AFF2: variants seen among roughly 807,000 people sequenced by gnomAD.
AFF2 encodes the protein AF4/FMR2 family member 2.
AFF2 carries 14 observed loss-of-function variants against 76.9 expected under a neutral mutation model. That is an observed-to-expected ratio of 0.18 (90% confidence interval 0.12 to 0.28). AFF2 has a LOEUF of 0.28. Among genes scored for constraint, AFF2 ranks in the 10% least tolerant of loss-of-function variants. The pLI, the probability that AFF2 is intolerant of heterozygous loss-of-function variation, is 1.00. For missense variants in AFF2, 868 were observed against 1,001.1 expected, an observed-to-expected ratio of 0.87 and a Z score of 1.79; for synonymous variants, 398 against 366.7, an observed-to-expected ratio of 1.09 and a Z score of -0.98.
chrX:148,869,760 A>G (rs1277355591), intron 7 of AFF2, among the ~76,000 whole-genome samples: 1 of 111,935 alleles, frequency 8.9e-6, no homozygotes, highest in African/African-American at 3.2e-5. Flanking sequence ...GTCCAATAAC[A>G]AGGAGTTGGT....
At chrX:148,774,825 C>A (rs1377192168) in intron 3 of AFF2, among the ~76,000 whole-genome samples, 2 of 111,954 alleles carry the variant, frequency 1.8e-5, no homozygotes, top group African/African-American at 6.5e-5. Context: ...TGTGCTTATT[C>A]TTTGGTCAAA....
At chrX:148,859,230 G>A (rs1259526674) in intron 7 of AFF2, among the ~76,000 whole-genome samples, 2 of 107,037 alleles carry the variant, frequency 1.9e-5, no homozygotes, top group African/African-American at 3.4e-5. Context: ...ATATATTAAA[G>A]TAGGAAGAGA....
chrX:148,924,760 A>C (rs1435317372), intron 9 of AFF2, among the ~76,000 whole-genome samples: 2 of 111,959 alleles, frequency 1.8e-5, no homozygotes, highest in African/African-American at 6.5e-5. Flanking sequence ...TGTTAGAATT[A>C]GGCCAAAATT....
At chrX:148,688,194 C>T (rs2054617415) in intron 3 of AFF2, among the ~76,000 whole-genome samples, 2 of 111,574 alleles carry the variant, frequency 1.8e-5, no homozygotes, top group African/African-American at 6.5e-5. Flanking sequence ...TGGCCCCACA[C>T]TGCTGAACCC....
At chrX:148,621,065 T>C (rs900927359) in intron 1 of AFF2, among the ~76,000 whole-genome samples, 8 of 111,442 alleles carry the variant, frequency 7.2e-5, no homozygotes, top group Non-Finnish European at 1.3e-4. Context: ...AAGAGACGAT[T>C]CCAGGGAGCT....
chrX:148,864,862 G>A (rs1557276720), intron 7 of AFF2, among the ~76,000 whole-genome samples: 1 of 111,976 alleles, frequency 8.9e-6, no homozygotes, highest in African/African-American at 3.2e-5. Flanking sequence ...TGAGTGAAAC[G>A]CTGGGAAAAG....
intron 3 of AFF2, among the ~76,000 whole-genome samples, chrX:148,731,469 G>A (rs927100284): frequency 9.0e-6 from 1 of 111,670 alleles, no homozygotes; most frequent in African/African-American, 3.3e-5. Flanking sequence ...CAGAAGAAAG[G>A]AAGCATTTCG....
At chrX:148,929,687 G>A (rs782545828) in intron 9 of AFF2, among the ~76,000 whole-genome samples, 6 of 111,879 alleles carry the variant, frequency 5.4e-5, no homozygotes, top group Non-Finnish European at 7.5e-5. Context: ...CTCACTAGTC[G>A]TAGCTTAGCT....
intron 3 of AFF2, among the ~76,000 whole-genome samples, chrX:148,678,007 A>C (rs1313645371): frequency 8.9e-6 from 1 of 112,172 alleles, no homozygotes; most frequent in African/African-American, 3.2e-5. Flanking sequence ...TTTGCACTCC[A>C]TAGTTCCTAG....
At chrX:148,617,056 C>T (rs1192330224) in intron 1 of AFF2, among the ~76,000 whole-genome samples, 5 of 111,616 alleles carry the variant, frequency 4.5e-5, no homozygotes, top group Non-Finnish European at 7.5e-5. Flanking sequence ...GTCTTTATAG[C>T]AGCATGATTT....
intron 9 of AFF2, among the ~76,000 whole-genome samples, chrX:148,916,196 C>CTTTTTTTTTTTTTTTTTTTTTTTTTTT (rs782508166): frequency 2.9e-5 from 1 of 34,032 alleles, no homozygotes; most frequent in Non-Finnish European, 4.7e-5. Flanking sequence ...GTGGTTTTAA[C>CTTTTTTTTTTTTTTTTTTTTTTTTTTT]TTTTTTTTTT....
rs187078724 is a variant in AFF2 at position 148,936,619 on chromosome X, T to C, written c.1398-16961T>C. 1.1e-4 allele frequency among the ~76,000 whole-genome samples: 12 copies of C among 112,650 alleles called. No homozygotes were observed. In the East Asian group the frequency reaches 3.4e-3, roughly 32 times the overall value. On this transcript the variant is annotated intron_variant, in intron 9 of 20. Transcript: ENST00000370460. ...TTCTTCTGTTGCTTTTATTTATCAT[T>C]CCCTATGCCTCCAACTATTTTTCTG... is the stretch of plus-strand genomic sequence containing the variant.
At chrX:148,523,688 T>C (rs1449894373) in intron 1 of AFF2, among the ~76,000 whole-genome samples, 1 of 112,538 alleles carries the variant, frequency 8.9e-6, no homozygotes, top group Admixed American at 9.4e-5. Context: ...TTTCCAAATA[T>C]TAGTCTTTAG....
chrX:148,813,434 G>C (rs2070228006), intron 4 of AFF2, among the ~76,000 whole-genome samples: 1 of 111,760 alleles, frequency 8.9e-6, no homozygotes, highest in African/African-American at 3.2e-5. Flanking sequence ...TTAATATTTT[G>C]AATCTCATTT....
intron 7 of AFF2, among the ~76,000 whole-genome samples, chrX:148,859,781 T>C (rs1293239670): frequency 9.0e-6 from 1 of 111,416 alleles, no homozygotes; most frequent in African/African-American, 3.2e-5. Context: ...TTCTAAGCTC[T>C]TTACCTGTTT....
intron 3 of AFF2, among the ~76,000 whole-genome samples, 178 bp downstream of exon 3, chrX:148,662,946 C>G (rs1557258043): frequency 8.9e-6 from 1 of 111,971 alleles, no homozygotes; most frequent in Non-Finnish European, 1.9e-5. Context: ...GATTAACACG[C>G]TGCAAATAGA....
At chrX:148,661,826 G>A (rs1321491150) in intron 2 of AFF2, 82 bp from the exon 3 acceptor site, 3 of 944,153 alleles carry the variant, frequency 3.2e-6, no homozygotes, top group East Asian at 6.2e-5. Flanking sequence ...TCTACTTAGG[G>A]CATCTGTTTG....
chrX:148,526,438 C>CTCCTATGTCCT (rs1340225354), intron 1 of AFF2, among the ~76,000 whole-genome samples: 4 of 100,096 alleles, frequency 4.0e-5, no homozygotes, highest in African/African-American at 1.5e-4. Context: ...TTCTAGCTGG[C>CTCCTATGTCCT]TCCTATGTCC....
chrX:148,741,997 G>T (rs1405102174), intron 3 of AFF2, among the ~76,000 whole-genome samples: 2 of 111,913 alleles, frequency 1.8e-5, no homozygotes, highest in African/African-American at 6.5e-5. Flanking sequence ...AGTATTTGGG[G>T]TGTCTCCCGG....
Sources: allele counts gnomAD v4.1 joint callset (sites outside exome capture counted in the v4.1 genomes callset), GRCh38; gene constraint gnomAD v4.1.1; transcripts MANE v1.5; gene names NCBI Gene and HGNC (gene_info 2026-07-23, HGNC 2026-07-21).